Variants in WWOX observed in about 807,000 individuals in gnomAD.
WWOX encodes WW domain containing oxidoreductase.
In WWOX, 69 loss-of-function variants were observed where a neutral mutation model predicts 46.2. The ratio of observed to expected loss-of-function variants is 1.49; its 90% CI spans 1.23 to 1.82. The LOEUF (loss-of-function observed/expected upper bound fraction) is 1.82. WWOX is among the 40% of genes most tolerant of loss of function. WWOX has a pLI of 0.00. For synonymous variants in WWOX, 359 were observed against 202.6 expected (o/e 1.77, Z -6.56); for missense variants, 919 against 542.6 (o/e 1.69, Z -6.89).
At chr16:78,376,910 A>C (rs1370002946) in intron 5 of WWOX, among the ~76,000 whole-genome samples, 3 of 152,196 alleles carry the variant, frequency 2.0e-5, no homozygotes, top group African/African-American at 7.2e-5. Context: ...GTGGAATGTA[A>C]AATCCTTTGA....
rs57159538 is a variant in WWOX at position 78,862,128 on chromosome 16, A to G, written c.1057-349480A>G. 9.8e-3 allele frequency among the ~76,000 whole-genome samples: 1,338 copies of G among 136,932 alleles called. 25 individuals carry two copies. Among genetic ancestry groups the G allele is most frequent in the African/African-American group, 0.031 (1,234 of 40,024 alleles). The allele number at this position is 136,932 out of a possible 152,430, so 89.8% of individuals were successfully genotyped here. On this transcript the variant is annotated intron_variant, in intron 8 of 8. Transcript: ENST00000566780. ...TATACACACACCTATGGGTGTGTCT[A>G]TCTATATCTATACACACCTATGGGT...
In WWOX at chr16:78,248,919, C is replaced by T. The variant is rs113528811; in HGVS notation, c.516+84630C>T. 4.1e-3 allele frequency among the ~76,000 whole-genome samples: 596 copies of T among 144,018 alleles called. 4 individuals are homozygous for T. The highest frequency in any genetic ancestry group is 0.014 in the African/African-American group (559 of 38,960). 94.5% of individuals were successfully genotyped at this position (144,018 alleles called of 152,430 possible). A position where few individuals can be genotyped will look rare whatever the true frequency, so the allele number is the denominator to read the frequency against. On this transcript the variant is annotated intron_variant, in intron 5 of 8. Coordinates refer to ENST00000566780, the MANE Select transcript of WWOX (RefSeq NM_016373.4). Reference sequence around the variant, plus strand: ...GTCTTGCTCCATCACCAGGCTGGCACGATCTTGGCTCACTGCAAGCTTCAC... The same window carrying T: ...GTCTTGCTCCATCACCAGGCTGGCATGATCTTGGCTCACTGCAAGCTTCAC...
chr16:78,524,266 A>G (rs1448803261), intron 8 of WWOX, among the ~76,000 whole-genome samples: 6 of 152,310 alleles, frequency 3.9e-5, no homozygotes, highest in African/African-American at 1.4e-4. Flanking sequence ...AGAAGCAGAC[A>G]CAGCCATGAT....
rs74027877 is a variant in WWOX, at chr16:78,365,646, A to G, written c.517-21214A>G. ...CTCTATAGACTGCCTACCACCTTGTATCTACTGCTGTCGTTTAGATTAGGA... is the reference window on the plus strand; with the variant it reads ...CTCTATAGACTGCCTACCACCTTGTGTCTACTGCTGTCGTTTAGATTAGGA... On this transcript the variant is annotated intron_variant, in intron 5 of 8. Coordinates refer to ENST00000566780, the MANE Select transcript of WWOX (RefSeq NM_016373.4). Among the ~76,000 whole-genome samples the G allele has an allele frequency of 6.2e-3, 937 of 152,340 alleles. 14 individuals carry two copies. Among genetic ancestry groups the G allele is most frequent in the African/African-American group, 0.02 (830 of 41,576 alleles).
intron 8 of WWOX, among the ~76,000 whole-genome samples, chr16:78,742,187 A>G (rs1467437442): frequency 1.3e-5 from 2 of 152,200 alleles, no homozygotes; most frequent in African/African-American, 4.8e-5. Context: ...TCGTTTGTCG[A>G]TAAATCAGTG....
chr16:79,179,995 T>G (rs2050877899), intron 8 of WWOX, among the ~76,000 whole-genome samples: 1 of 149,718 alleles, frequency 6.7e-6, no homozygotes. Context: ...CTAGACCAGG[T>G]TTTTTTTTTC....
intron 8 of WWOX, among the ~76,000 whole-genome samples, chr16:79,170,456 T>G (rs2050678838): frequency 6.6e-6 from 1 of 152,208 alleles, no homozygotes; most frequent in South Asian, 2.1e-4. Flanking sequence ...TTAAGACCAC[T>G]TAATGTTATC....
At position 78,404,548 on chromosome 16, in the gene WWOX, A is replaced by G. The variant is rs186256733; in HGVS notation, c.605+17600A>G. 4.6e-5 allele frequency among the ~76,000 whole-genome samples: 7 copies of G among 152,178 alleles called. No individual in the cohort carries two copies. In the East Asian group the frequency reaches 1.4e-3, roughly 29 times the overall value. The stretch of plus-strand genomic sequence containing the variant: ...GAATAATAGTCACTTTCTCTTGTGG[A>G]GTTCGCTAAATTCTACTTTGGCCTA... On this transcript the variant is annotated intron_variant, in intron 6 of 8. Coordinates refer to ENST00000566780, the MANE Select transcript of WWOX (RefSeq NM_016373.4).
chr16:78,332,192 C>T lies in WWOX; in HGVS notation c.517-54668C>T, dbSNP rs369141364. Among the ~76,000 whole-genome samples, 7 of 152,118 alleles carry T rather than the reference C, an allele frequency of 4.6e-5. No individual in the cohort carries two copies. In the South Asian group the frequency reaches 1.5e-3, roughly 32 times the overall value. Reference sequence around the variant, plus strand: ...TTTCCCCACCCCAAGCCTTTTTTGCCATCTCTTTTTCCCAGAAAGACTGGA... The same window carrying T: ...TTTCCCCACCCCAAGCCTTTTTTGCTATCTCTTTTTCCCAGAAAGACTGGA... On this transcript the variant is annotated intron_variant, in intron 5 of 8. Coordinates refer to ENST00000566780, the MANE Select transcript of WWOX (RefSeq NM_016373.4).
intron 5 of WWOX, among the ~76,000 whole-genome samples, chr16:78,356,559 G>C (rs930870146): frequency 6.6e-6 from 1 of 152,110 alleles, no homozygotes; most frequent in African/African-American, 2.4e-5. Flanking sequence ...GTGGGACAGA[G>C]AGGTGCACTT....
chr16:78,938,461 G>A (rs567536306), intron 8 of WWOX, among the ~76,000 whole-genome samples: 1 of 151,928 alleles, frequency 6.6e-6, no homozygotes, highest in East Asian at 1.9e-4. Context: ...CAAAGGCAAG[G>A]GCTCTGTTTC....
intron 8 of WWOX, among the ~76,000 whole-genome samples, chr16:78,632,968 A>T (rs1203455546): frequency 6.6e-6 from 1 of 152,084 alleles, no homozygotes; most frequent in Non-Finnish European, 1.5e-5. Context: ...TTTACAGATG[A>T]AGAAGTTAAG....
At chr16:78,524,543 C>T (rs1241741559) in intron 8 of WWOX, among the ~76,000 whole-genome samples, 1 of 151,930 alleles carries the variant, frequency 6.6e-6, no homozygotes, top group African/African-American at 2.4e-5. Context: ...ACCTCAGCCT[C>T]CCGAGTAGCT....
rs1403389679 is a variant in WWOX at position 78,115,037 on chromosome 16, C to G, written c.292C>G (p.Pro98Ala). Residue 98 changes from proline (P) to alanine (A), a missense_variant, in exon 4 of 9, where the codon CCG becomes GCG. Transcript: ENST00000566780. ...ACTGGCGTTTACTGTGGATGATAAT[C>G]CGACCAAGCCAACCACCCGGCAAAG... ...PRLAFTVDDN[P>A]TKPTTRQRYD... 6.2e-7 allele frequency: 1 copy of G among 1,614,050 alleles called. No homozygotes were observed. The highest frequency in any genetic ancestry group is 8.5e-7 in the Non-Finnish European group (1 of 1,180,040).
At position 78,641,779 on chromosome 16, in the gene WWOX, C is replaced by T. The variant is rs78240573; in HGVS notation, c.1056+209027C>T. Among the ~76,000 whole-genome samples the T allele has an allele frequency of 5.2e-3, 795 of 152,286 alleles. 5 individuals are homozygous for T. The highest frequency in any genetic ancestry group is 0.018 in the African/African-American group (737 of 41,556). Reference sequence around the variant, plus strand: ...CTAATTACCTGACAGAGCTCCCCTCCACTCGCCTGGGTCATTGAAATTAAT... The same window carrying T: ...CTAATTACCTGACAGAGCTCCCCTCTACTCGCCTGGGTCATTGAAATTAAT... On this transcript the variant is annotated intron_variant, in intron 8 of 8. Coordinates refer to ENST00000566780, the MANE Select transcript of WWOX (RefSeq NM_016373.4).
intron 8 of WWOX, among the ~76,000 whole-genome samples, chr16:78,546,972 G>GA (rs925037134): frequency 6.6e-6 from 1 of 151,518 alleles, no homozygotes; most frequent in Admixed American, 6.6e-5. Context: ...ACAAAAAATA[G>GA]AAAAAATTAG....
chr16:78,520,222 A>G (rs1370614132), intron 8 of WWOX, among the ~76,000 whole-genome samples: 1 of 152,192 alleles, frequency 6.6e-6, no homozygotes. Context: ...AATTTTGAAA[A>G]TGGATTTTTA....
chr16:79,108,806 C>G (rs1281783472), intron 8 of WWOX, among the ~76,000 whole-genome samples: 1 of 151,956 alleles, frequency 6.6e-6, no homozygotes, highest in Non-Finnish European at 1.5e-5. Context: ...GAGGCTGTGG[C>G]CTGAGGACTG....
chr16:78,797,862 C>G (rs975242486), intron 8 of WWOX, among the ~76,000 whole-genome samples: 4 of 152,120 alleles, frequency 2.6e-5, no homozygotes, highest in Admixed American at 6.5e-5. Flanking sequence ...GTGGCGCGTG[C>G]CTGTAGTCCT....
Sources: gnomAD v4.1 joint callset for allele counts (sites outside exome capture counted in the v4.1 genomes callset) on GRCh38, gnomAD v4.1.1 for gene constraint, MANE v1.5 for transcripts, NCBI Gene and HGNC (gene_info 2026-07-23, HGNC 2026-07-21) for gene names.